Variants in TBC1D2B observed in about 807,000 individuals in gnomAD.
TBC1D2B encodes the protein TBC1 domain family, member 2B.
TBC1D2B carries 64 observed loss-of-function variants against 100.8 expected under a neutral mutation model. That is an observed-to-expected ratio of 0.64 (90% confidence interval 0.52 to 0.78). The LOEUF is 0.78. Ranked by LOEUF, TBC1D2B falls within the 30% of genes least tolerant of loss-of-function variation. The probability of loss-of-function intolerance (pLI) is 0.00; values close to 1 mark genes in which losing one functional copy is unlikely to be tolerated. For synonymous variants in TBC1D2B, 480 were observed against 479.7 expected (o/e 1.00, Z -0.01); for missense variants, 1,052 against 1,218.4 (o/e 0.86, Z 2.03).
intron 1 of TBC1D2B, among the ~76,000 whole-genome samples, chr15:78,068,444 T>C (rs910793747): frequency 6.1e-5 from 9 of 148,664 alleles, no homozygotes; most frequent in South Asian, 2.1e-4. Flanking sequence ...GCTTAAAGCA[T>C]GCATTTAGCC....
At chr15:78,039,351 A>G (rs1202469112) in intron 3 of TBC1D2B, among the ~76,000 whole-genome samples, 4 of 152,184 alleles carry the variant, frequency 2.6e-5, no homozygotes, top group Non-Finnish European at 5.9e-5. Flanking sequence ...CACTAAAACC[A>G]TAATAGATTC....
At chr15:78,008,267 T>A (rs1289527399) in intron 10 of TBC1D2B, among the ~76,000 whole-genome samples, 1 of 152,216 alleles carries the variant, frequency 6.6e-6, no homozygotes, top group Non-Finnish European at 1.5e-5. Flanking sequence ...GCCCCTGGCG[T>A]CAGACTCCAG....
At chr15:78,043,409 CTTTTT>C (rs1175942472) in intron 3 of TBC1D2B, among the ~76,000 whole-genome samples, 1 of 151,658 alleles carries the variant, frequency 6.6e-6, no homozygotes, top group Non-Finnish European at 1.5e-5. Context: ...TTCATTTTTT[CTTTTT>C]TTTGAGACAG....
rs373495963 is a variant in TBC1D2B, at chr15:78,046,400, C to A, written c.515-1332G>T. ...ACTTTACAATAATCAATTTGATCTA[C>A]ACTTCTTTTTAAAATATCTCTATAT... On this transcript the variant is annotated intron_variant, in intron 2 of 12. Coordinates refer to ENST00000300584, the MANE Select transcript of TBC1D2B (RefSeq NM_144572.2). 3.5e-4 allele frequency among the ~76,000 whole-genome samples: 53 copies of A among 152,352 alleles called. 1 individual carries two copies. The South Asian group carries it at 6.2e-3, about 18-fold the overall frequency.
chr15:78,030,163 T>C lies in TBC1D2B; in HGVS notation c.691A>G (p.Met231Val). The C allele has an allele frequency of 6.2e-7, 1 of 1,606,906 alleles. No homozygotes were observed. The highest frequency in any genetic ancestry group is 1.1e-5 in the South Asian group (1 of 89,160). Residue 231 changes from methionine to valine, a missense_variant, in exon 4 of 13, where the codon ATG (methionine) becomes GTG (valine). Met to Val is a conservative substitution (Grantham distance 21, BLOSUM62 1). This residue lies in a region of TBC1D2B where 627 missense variants were observed against 646.1 expected (regional missense o/e 0.97). Transcript: ENST00000300584. ...CCTCTCCCAGGACGGAAAGAAGACATCGAATTCCTGTTGGGAAAAACAATA... is the reference window on the plus strand; with the variant it reads ...CCTCTCCCAGGACGGAAAGAAGACACCGAATTCCTGTTGGGAAAAACAATA... ...KQWGNELKNS[M>V]SSFRPGRGHN...
At chr15:78,001,201 T>C (rs907811959) in intron 12 of TBC1D2B, among the ~76,000 whole-genome samples, 3 of 152,126 alleles carry the variant, frequency 2.0e-5, no homozygotes, top group African/African-American at 7.2e-5. Context: ...TTATTTGGCC[T>C]TTCTCCGGCC....
chr15:78,001,207 C>T (rs910200409), intron 12 of TBC1D2B, among the ~76,000 whole-genome samples: 9 of 152,134 alleles, frequency 5.9e-5, no homozygotes, highest in Non-Finnish European at 1.2e-4. Context: ...GGCCTTTCTC[C>T]GGCCTGGGAT....
chr15:78,057,238 G>T (rs1250246224), intron 1 of TBC1D2B, among the ~76,000 whole-genome samples: 1 of 152,066 alleles, frequency 6.6e-6, no homozygotes, highest in Non-Finnish European at 1.5e-5. Flanking sequence ...TGCTTTCAAT[G>T]ACTGATATTT....
chr15:78,026,057 T>C (rs543499739), intron 4 of TBC1D2B, among the ~76,000 whole-genome samples: 1 of 152,064 alleles, frequency 6.6e-6, no homozygotes, highest in East Asian at 1.9e-4. Context: ...AGGATCATTT[T>C]TCATGGAAAA....
Position 78,030,189 on chromosome 15 carries a change from T to C in TBC1D2B, c.684-19A>G, listed in dbSNP as rs1387327512. ...CGAATTCCTGTTGGGAAAAACAATATGTGTTATTAACAAAAACAAAAGTAA... is the reference window on the plus strand; with the variant it reads ...CGAATTCCTGTTGGGAAAAACAATACGTGTTATTAACAAAAACAAAAGTAA... On this transcript the variant is annotated intron_variant, in intron 3 of 12. Coordinates refer to ENST00000300584, the MANE Select transcript of TBC1D2B (RefSeq NM_144572.2). The C allele has an allele frequency of 3.8e-6, 6 of 1,599,420 alleles. No homozygotes were observed. The South Asian group carries it at 4.5e-5, about 12-fold the overall frequency.
At chr15:78,002,150 G>A (rs1049352277) in intron 11 of TBC1D2B, among the ~76,000 whole-genome samples, 1 of 152,108 alleles carries the variant, frequency 6.6e-6, no homozygotes, top group Non-Finnish European at 1.5e-5. Flanking sequence ...ATCTCAACTG[G>A]TGCACTTTTG....
At chr15:78,063,734 G>A (rs186851599) in intron 1 of TBC1D2B, among the ~76,000 whole-genome samples, 78 of 152,226 alleles carry the variant, frequency 5.1e-4, no homozygotes, top group Admixed American at 2.2e-3. Context: ...AGCAAATATG[G>A]AGAGGACAGA....
chr15:78,001,852 C>A, intron 11 of TBC1D2B, 112 bp from the exon 12 acceptor site: 1 of 1,239,938 alleles, frequency 8.1e-7, no homozygotes, highest in Non-Finnish European at 1.1e-6. Context: ...ATGGCTTGCA[C>A]GGTCCCCGCC....
At chr15:78,042,623 C>T (rs1192315389) in intron 3 of TBC1D2B, among the ~76,000 whole-genome samples, 4 of 152,150 alleles carry the variant, frequency 2.6e-5, no homozygotes, top group Non-Finnish European at 5.9e-5. Context: ...TCCCGGATGA[C>T]CCCTCCCCAT....
chr15:78,020,351 T>C (rs1399995424), intron 6 of TBC1D2B, among the ~76,000 whole-genome samples: 1 of 152,194 alleles, frequency 6.6e-6, no homozygotes, highest in African/African-American at 2.4e-5. Flanking sequence ...GCCATGTATG[T>C]CTTTAACTTA....
chr15:78,058,124 T>C lies in TBC1D2B; in HGVS notation c.361-3937A>G, dbSNP rs74027743. 5.2e-3 allele frequency among the ~76,000 whole-genome samples: 789 copies of C among 152,314 alleles called. 8 individuals are homozygous for C. The highest frequency in any genetic ancestry group is 0.018 in the African/African-American group (748 of 41,562). ...ATAAATACGATAGTATTAAAATTAATTTTACTGGTTTAATGTGGCTCATTG... is the reference window on the plus strand; with the variant it reads ...ATAAATACGATAGTATTAAAATTAACTTTACTGGTTTAATGTGGCTCATTG... On this transcript the variant is annotated intron_variant, in intron 1 of 12. Coordinates refer to ENST00000300584, the MANE Select transcript of TBC1D2B (RefSeq NM_144572.2).
Position 78,013,067 on chromosome 15 carries a change from C to T in TBC1D2B, c.2026G>A (p.Val676Met). 1.2e-6 allele frequency: 2 copies of T among 1,614,046 alleles called. No homozygotes were observed. The highest frequency in any genetic ancestry group is 1.7e-6 in the Non-Finnish European group (2 of 1,179,906). The part of the protein sequence containing the change: ...EHRSKVWKWC[V>M]DRHTRKFKDN... ...TTGAACTTCCTGGTGTGACGGTCCA[C>T]ACACCACTTCCACACCTTGGAACGG... Residue 676 changes from valine to methionine, a missense_variant, in exon 9 of 13, where the codon GTG becomes ATG. Around this residue, in one of 4 missense-constraint regions of TBC1D2B, gnomAD observed 373 missense variants for 464.9 expected, o/e 0.80. Transcript: ENST00000300584.
Position 78,012,896 on chromosome 15 carries a change from G to T in TBC1D2B, c.2197C>A (p.Gln733Lys). The change falls in exon 9 of 13, where the codon CAG (glutamine) becomes AAG (lysine). Residue 733 changes from glutamine to lysine, a missense_variant. By Grantham distance (53) the Gln-to-Lys change is moderately conservative (BLOSUM62 1). Around this residue, in one of 4 missense-constraint regions of TBC1D2B, gnomAD observed 373 missense variants for 464.9 expected, o/e 0.80. Coordinates refer to ENST00000300584, the MANE Select transcript of TBC1D2B (RefSeq NM_144572.2). ...HYSCPTSEGI[Q>K]KLRNVLLAFS... ...GCGAGGAGGACATTGCGTAACTTCT[G>T]TATGCCTTCTGAGGTGGGGCAGGAG... 6.5e-7 allele frequency: 1 copy of T among 1,528,704 alleles called. No individual in the cohort carries two copies. The highest frequency in any genetic ancestry group is 1.4e-5 in the African/African-American group (1 of 72,270). 94.7% of individuals were successfully genotyped at this position (1,528,704 alleles called of 1,614,324 possible).
At chr15:78,055,600 A>G (rs534523181) in intron 1 of TBC1D2B, among the ~76,000 whole-genome samples, 1 of 152,332 alleles carries the variant, frequency 6.6e-6, no homozygotes, top group South Asian at 2.1e-4. Flanking sequence ...ACTACCTCCA[A>G]GCAAAGGATA....
Sources: gnomAD v4.1 joint callset for allele counts (sites outside exome capture counted in the v4.1 genomes callset) on GRCh38, gnomAD v4.1.1 for gene constraint, gnomAD v4.1.1 regional missense constraint, MANE v1.5 for transcripts, NCBI Gene and HGNC (gene_info 2026-07-23, HGNC 2026-07-21) for gene names.